PGS1: variants seen among roughly 807,000 people sequenced by gnomAD.
PGS1 encodes the protein CDP-diacylglycerol--glycerol-3-phosphate 3-phosphatidyltransferase, mitochondrial.
PGS1 carries 44 observed loss-of-function variants against 58.3 expected under a neutral mutation model. The ratio of observed to expected loss-of-function variants is 0.75; its 90% CI spans 0.59 to 0.97. PGS1 has a LOEUF of 0.97. Among genes scored for constraint, PGS1 ranks in the 50% least tolerant of loss-of-function variants. The pLI is 0.00. For missense variants in PGS1, 684 were observed against 731.1 expected (o/e 0.94, Z 0.74); for synonymous variants, 330 against 311.0 (o/e 1.06, Z -0.64).
chr17:78,402,395 T>C (rs1429961893), intron 6 of PGS1, among the ~76,000 whole-genome samples: 1 of 49,042 alleles, frequency 2.0e-5, no homozygotes, highest in African/African-American at 5.5e-5. Context: ...GTAATTTCTA[T>C]TCATATATAT....
intron 7 of PGS1, among the ~76,000 whole-genome samples, chr17:78,410,566 T>C (rs905278212): frequency 2.9e-5 from 4 of 137,702 alleles, no homozygotes; most frequent in Non-Finnish European, 4.6e-5. Flanking sequence ...CTCCGCCTCC[T>C]GGGTTTAAGC....
chr17:78,423,334 ACT>A (rs1473223963), intron 9 of PGS1, among the ~76,000 whole-genome samples: 1 of 151,678 alleles, frequency 6.6e-6, no homozygotes, highest in East Asian at 1.9e-4. Context: ...GTTCTTCTAG[ACT>A]CTGGGGGCGG....
In PGS1 at chr17:78,414,866, C is replaced by CT; in HGVS notation, c.1403-9dup. 2 of 1,613,610 alleles carry CT rather than the reference C, an allele frequency of 1.2e-6. No homozygotes were observed. The highest frequency in any genetic ancestry group is 1.7e-6 in the Non-Finnish European group (2 of 1,179,624). The stretch of plus-strand genomic sequence containing the variant: ...TGCTCATTTCCTGTCTGCACGTTTC[C>CT]TTTTCCCCGCAGGCCTCTGGCTGTA... On this transcript the variant is annotated splice_polypyrimidine_tract_variant and intron_variant, in intron 7 of 9. Coordinates refer to ENST00000262764, the MANE Select transcript of PGS1 (RefSeq NM_024419.5).
intron 9 of PGS1, among the ~76,000 whole-genome samples, chr17:78,423,416 A>T (rs966070942): frequency 6.6e-6 from 1 of 152,152 alleles, no homozygotes; most frequent in Non-Finnish European, 1.5e-5. Context: ...ATGGCGGATG[A>T]GACGCTGTGT....
At chr17:78,386,392 A>G (rs886111680) in intron 1 of PGS1, among the ~76,000 whole-genome samples, 2 of 152,120 alleles carry the variant, frequency 1.3e-5, no homozygotes, top group African/African-American at 4.8e-5. Flanking sequence ...ATTCCAGGGT[A>G]AAGGAGTGGC....
chr17:78,423,789 A>G (rs1444038914), intron 9 of PGS1: 1 of 1,354,224 alleles, frequency 7.4e-7, no homozygotes, highest in Non-Finnish European at 1.0e-6. Flanking sequence ...GCACCTGATT[A>G]TTTAAGAGAA....
intron 7 of PGS1, among the ~76,000 whole-genome samples, chr17:78,412,621 C>T (rs552377852): frequency 2.8e-4 from 43 of 152,270 alleles, no homozygotes; most frequent in African/African-American, 9.6e-4. Context: ...GAACCACGCA[C>T]CTCCAGCCTT....
intron 7 of PGS1, among the ~76,000 whole-genome samples, chr17:78,411,105 G>A (rs2084650950): frequency 6.6e-6 from 1 of 152,240 alleles, no homozygotes; most frequent in Non-Finnish European, 1.5e-5. Context: ...CACTCGGGCA[G>A]TTGGCCTGAG....
chr17:78,394,542 TTTTTC>T (rs893814513), intron 2 of PGS1, among the ~76,000 whole-genome samples: 8 of 151,942 alleles, frequency 5.3e-5, no homozygotes, highest in East Asian at 1.9e-4. Flanking sequence ...AAGAAACAGG[TTTTTC>T]TTTTCTTTTC....
chr17:78,418,265 T>C (rs773604348), intron 8 of PGS1, among the ~76,000 whole-genome samples: 8 of 151,876 alleles, frequency 5.3e-5, no homozygotes, highest in Non-Finnish European at 1.2e-4. Flanking sequence ...TTTTTAAATA[T>C]GAAATTAACA....
In PGS1 at chr17:78,403,886, T is replaced by C; in HGVS notation, c.1199T>C (p.Leu400Ser). 7.4e-6 allele frequency: 12 copies of C among 1,614,152 alleles called. No individual in the cohort carries two copies. Among genetic ancestry groups the C allele is most frequent in the Non-Finnish European group, 1.0e-5 (12 of 1,179,942 alleles). The change falls in exon 7 of 10, where the codon TTG (leucine) becomes TCG (serine). Residue 400 changes from leucine to serine, a missense_variant. Physicochemically the swap from Leu to Ser is moderately radical, Grantham distance 145 (BLOSUM62 -2). Coordinates refer to ENST00000262764, the MANE Select transcript of PGS1 (RefSeq NM_024419.5). Reference sequence around the variant, plus strand: ...ACCCAGGCCTACATGGACCTGGTCTTGGGCACTCGGGCTGAGTACCAGATC... The same window carrying C: ...ACCCAGGCCTACATGGACCTGGTCTCGGGCACTCGGGCTGAGTACCAGATC... The part of the protein sequence containing the change: ...NLTQAYMDLV[L>S]GTRAEYQILL...
intron 1 of PGS1, among the ~76,000 whole-genome samples, chr17:78,383,724 A>G (rs1478461812): frequency 6.6e-6 from 1 of 152,216 alleles, no homozygotes; most frequent in Non-Finnish European, 1.5e-5. Flanking sequence ...GGATATTTAG[A>G]ATCAAAGCAT....
At chr17:78,406,520 C>T (rs1226227739) in intron 7 of PGS1, among the ~76,000 whole-genome samples, 1 of 152,210 alleles carries the variant, frequency 6.6e-6, no homozygotes, top group East Asian at 1.9e-4. Flanking sequence ...GGCCCACAGG[C>T]CTGTCTAGGC....
intron 7 of PGS1, among the ~76,000 whole-genome samples, chr17:78,408,445 G>A (rs117883742): frequency 0.015 from 2,298 of 152,298 alleles, 13 homozygotes; most frequent in Non-Finnish European, 0.024. Context: ...AGGAGGACAC[G>A]GGGAACAGGG....
In PGS1 at chr17:78,424,297, G is replaced by T; in HGVS notation, c.*247G>T. On this transcript the variant is annotated 3_prime_UTR_variant, in exon 10 of 10. Coordinates refer to ENST00000262764, the MANE Select transcript of PGS1 (RefSeq NM_024419.5). ...GGCTTCAGGCCAGCTGCCACGGCTG[G>T]AAGCAGAGGCCTTCGTAGGTGATGG... is the stretch of plus-strand genomic sequence containing the variant. 9.7e-7 allele frequency: 1 copy of T among 1,030,444 alleles called. No homozygotes were observed. Among genetic ancestry groups the T allele is most frequent in the Non-Finnish European group, 1.4e-6 (1 of 730,954 alleles). 63.8% of individuals were successfully genotyped at this position (1,030,444 alleles called of 1,614,324 possible).
In PGS1 at chr17:78,400,800, G is replaced by A; in HGVS notation, c.825G>A (p.Gln275=). The change falls in exon 6 of 10, where the codon CAG becomes CAA. Residue 275 remains glutamine, a synonymous_variant. Transcript: ENST00000262764. The surrounding 1 kb of genome is among the most constrained non-coding windows in gnomAD (Gnocchi z 4.4). The part of the protein sequence containing the change: ...LVDAVGDVSL[Q]LQGDDTVQVV... ...ACGCGGTGGGGGATGTGTCCCTGCA[G>A]CTGCAGGGGGACGACACGGTGCAGG... 4 of 1,613,790 alleles carry A rather than the reference G, an allele frequency of 2.5e-6. No homozygotes were observed. Among genetic ancestry groups the A allele is most frequent in the Non-Finnish European group, 3.4e-6 (4 of 1,179,842 alleles).
rs758648669 is a variant in PGS1 at position 78,396,383 on chromosome 17, C to G, written c.409C>G (p.Leu137Val). The change falls in exon 3 of 10, where the codon CTG becomes GTG. Residue 137 changes from leucine (L) to valine (V), a missense_variant and splice_region_variant. Leu to Val is a conservative substitution (Grantham distance 32, BLOSUM62 1). Transcript: ENST00000262764. ...YLGTGPLEQE[L>V]VDCLESTLEK... The stretch of plus-strand genomic sequence containing the variant: ...GGGGACAGGTCCTTTGGAACAGGAG[C>G]TGGTAAGGTTTATGGGGAGATGGTT... 1.2e-6 allele frequency: 2 copies of G among 1,608,806 alleles called. No individual in the cohort carries two copies. The highest frequency in any genetic ancestry group is 4.5e-5 in the East Asian group (2 of 44,704).
intron 2 of PGS1, among the ~76,000 whole-genome samples, chr17:78,394,051 G>C (rs1328678829): frequency 6.6e-6 from 1 of 151,544 alleles, no homozygotes. Flanking sequence ...ACACACCTGT[G>C]GTCCTAGCTA....
intron 8 of PGS1, among the ~76,000 whole-genome samples, chr17:78,415,457 C>G (rs1329159171): frequency 1.3e-5 from 2 of 152,088 alleles, no homozygotes; most frequent in Non-Finnish European, 2.9e-5. Context: ...ATGGTGAAAC[C>G]CCACCTTTAC....
Sources: allele counts gnomAD v4.1 joint callset (sites outside exome capture counted in the v4.1 genomes callset), GRCh38; gene constraint gnomAD v4.1.1; non-coding constraint Gnocchi (gnomAD v3.1); transcripts MANE v1.5; gene names NCBI Gene and HGNC (gene_info 2026-07-23, HGNC 2026-07-21).